Variants in ARHGAP28 observed in about 807,000 individuals in gnomAD.
ARHGAP28 encodes Rho GTPase activating protein 28, also known as rho GTPase-activating protein 28.
Under a neutral mutation model 90.7 loss-of-function variants are expected in ARHGAP28, and 56 were observed. The ratio of observed to expected loss-of-function variants is 0.62; its 90% confidence interval spans 0.50 to 0.77. ARHGAP28 has a LOEUF of 0.77. ARHGAP28 is among the 30% of genes least tolerant of loss of function. The probability of loss-of-function intolerance (pLI) is 0.00; values close to 1 mark genes in which losing one functional copy is unlikely to be tolerated. For missense variants in ARHGAP28, 869 were observed against 900.9 expected (o/e 0.96, Z 0.45); for synonymous variants, 308 against 323.3 (o/e 0.95, Z 0.51).
At chr18:6,820,205 A>G (rs2056617400) in intron 1 of ARHGAP28, among the ~76,000 whole-genome samples, 1 of 152,204 alleles carries the variant, frequency 6.6e-6, no homozygotes, top group Non-Finnish European at 1.5e-5. Context: ...AATATAGATA[A>G]TGTCAACAGA....
chr18:6,771,063 G>T (rs1445174754), intron 1 of ARHGAP28, among the ~76,000 whole-genome samples: 1 of 151,892 alleles, frequency 6.6e-6, no homozygotes, highest in Non-Finnish European at 1.5e-5. Flanking sequence ...TTGAGACAGG[G>T]TTTTGCTCTG....
chr18:6,878,932 A>T (rs560611259), intron 10 of ARHGAP28, among the ~76,000 whole-genome samples: 1 of 152,074 alleles, frequency 6.6e-6, no homozygotes, highest in South Asian at 2.1e-4. Context: ...ACTACTAAAA[A>T]CTCCATTATA....
At position 6,873,524 on chromosome 18, in the gene ARHGAP28, C is replaced by G; in HGVS notation, c.1070C>G (p.Ala357Gly). ...SLIELTAFFDAFGIQLKRNKT... is the reference protein window; with the variant it reads ...SLIELTAFFDGFGIQLKRNKT... ...ATTGAATTGACTGCCTTTTTTGATG[C>G]CTTTGGAATTCAACTGAAAAGGAAC... Residue 357 changes from alanine (A) to glycine (G), a missense_variant, in exon 8 of 18, where the codon GCC (alanine) becomes GGC (glycine). Transcript: ENST00000383472. 2.5e-6 allele frequency: 4 copies of G among 1,613,946 alleles called. No homozygotes were observed. The highest frequency in any genetic ancestry group is 3.4e-6 in the Non-Finnish European group (4 of 1,179,982).
intron 9 of ARHGAP28, chr18:6,874,671 A>C (rs781696763): frequency 1.2e-4 from 18 of 152,208 alleles, no homozygotes; most frequent in Non-Finnish European, 7.3e-5. Context: ...TTTTGCTACC[A>C]GTGCCTCAAA....
In ARHGAP28 at chr18:6,894,854, C is replaced by T; in HGVS notation, c.1868C>T (p.Ser623Leu). 1 of 1,614,076 alleles carries T rather than the reference C, an allele frequency of 6.2e-7. No individual in the cohort carries two copies. Among genetic ancestry groups the T allele is most frequent in the Non-Finnish European group, 8.5e-7 (1 of 1,179,992 alleles). Residue 623 changes from serine (S) to leucine (L), a missense_variant, in exon 15 of 18, where the codon TCA (serine) becomes TTA (leucine). Coordinates refer to ENST00000383472, the MANE Select transcript of ARHGAP28 (RefSeq NM_001366230.1). ...TTTTAGACTGCAAGCCCCAAGACTT[C>T]AAAGGTACTGCAAAAATCACCCTCG... ...LERETASPKT[S>L]KVLQKSPSAR...
chr18:6,839,555 C>T lies in ARHGAP28; in HGVS notation c.543+2141C>T, dbSNP rs879939164. 8.9e-4 allele frequency among the ~76,000 whole-genome samples: 135 copies of T among 152,254 alleles called. 1 individual carries two copies. The highest frequency in any genetic ancestry group is 4.9e-3 in the Admixed American group (75 of 15,298). The stretch of plus-strand genomic sequence containing the variant: ...CTCGTGATCCGCCTGCCTCGGCCTC[C>T]CAAAGTGCTGGGATTACAGGCGTGA... On this transcript the variant is annotated intron_variant, in intron 3 of 17. Coordinates refer to ENST00000383472, the MANE Select transcript of ARHGAP28 (RefSeq NM_001366230.1).
chr18:6,822,606 C>T (rs1242206169), intron 1 of ARHGAP28, among the ~76,000 whole-genome samples: 6 of 151,984 alleles, frequency 3.9e-5, no homozygotes, highest in Admixed American at 3.9e-4. Flanking sequence ...GGTTATCAGA[C>T]AAAACTAGCT....
intron 1 of ARHGAP28, among the ~76,000 whole-genome samples, chr18:6,816,768 A>G (rs2056593658): frequency 6.6e-6 from 1 of 152,082 alleles, no homozygotes; most frequent in African/African-American, 2.4e-5. Flanking sequence ...TTAGGCTAAT[A>G]ATTTGGTAGC....
chr18:6,756,752 G>T (rs182732780), intron 1 of ARHGAP28, among the ~76,000 whole-genome samples: 1 of 152,302 alleles, frequency 6.6e-6, no homozygotes, highest in Non-Finnish European at 1.5e-5. Context: ...TTCAGTCTTT[G>T]GCCAAAGTCT....
intron 1 of ARHGAP28, among the ~76,000 whole-genome samples, chr18:6,767,243 A>AT (rs2056206893): frequency 6.6e-6 from 1 of 151,478 alleles, no homozygotes; most frequent in African/African-American, 2.4e-5. Flanking sequence ...CTTTGCTTTC[A>AT]TTTTTTCTTC....
chr18:6,856,694 G>T (rs574277005), intron 4 of ARHGAP28, among the ~76,000 whole-genome samples: 11 of 152,108 alleles, frequency 7.2e-5, no homozygotes, highest in Middle Eastern at 3.4e-3. Flanking sequence ...TTTAACAAAC[G>T]TTATCACCCA....
intron 1 of ARHGAP28, among the ~76,000 whole-genome samples, chr18:6,741,688 C>T (rs142153856): frequency 6.4e-4 from 97 of 152,270 alleles, no homozygotes; most frequent in African/African-American, 2.0e-3. Context: ...TGCCATTTAG[C>T]GGACTTTTGA....
chr18:6,866,245 A>T (rs1053485903), intron 5 of ARHGAP28, among the ~76,000 whole-genome samples: 4 of 151,690 alleles, frequency 2.6e-5, no homozygotes, highest in African/African-American at 9.7e-5. Flanking sequence ...CTAAGTCTCA[A>T]CTCTTTGACG....
rs140162078 is a variant in ARHGAP28 at position 6,786,220 on chromosome 18, G to A, written c.123-38542G>A. On this transcript the variant is annotated intron_variant, in intron 1 of 17. Transcript: ENST00000383472. The stretch of plus-strand genomic sequence containing the variant: ...ACTGCAACTAGACATTAGTCCTATT[G>A]GGTCATAAGCTTATATATTACACCT... 2.9e-4 allele frequency among the ~76,000 whole-genome samples: 44 copies of A among 151,976 alleles called. No individual in the cohort carries two copies. In the East Asian group the frequency reaches 8.1e-3, roughly 28 times the overall value.
At chr18:6,807,029 C>T (rs1199382880) in intron 1 of ARHGAP28, among the ~76,000 whole-genome samples, 2 of 151,922 alleles carry the variant, frequency 1.3e-5, no homozygotes, top group Admixed American at 6.6e-5. Context: ...ATTGATTTTA[C>T]GATTTTTTCT....
chr18:6,771,117 G>A (rs1370313515), intron 1 of ARHGAP28, among the ~76,000 whole-genome samples: 1 of 151,966 alleles, frequency 6.6e-6, no homozygotes, highest in African/African-American at 2.4e-5. Flanking sequence ...GCTCACTGCA[G>A]CCTTGTTCTC....
At chr18:6,776,927 C>T (rs1331206368) in intron 1 of ARHGAP28, among the ~76,000 whole-genome samples, 1 of 152,062 alleles carries the variant, frequency 6.6e-6, no homozygotes, top group African/African-American at 2.4e-5. Context: ...GGGGGGATAG[C>T]GGTGAGTTTG....
chr18:6,785,549 G>A (rs563464627), intron 1 of ARHGAP28, among the ~76,000 whole-genome samples: 38 of 152,292 alleles, frequency 2.5e-4, no homozygotes, highest in Non-Finnish European at 4.9e-4. Flanking sequence ...GTAAGCACCT[G>A]GGACTTGGAT....
At chr18:6,850,098 C>T (rs182314744) in intron 3 of ARHGAP28, among the ~76,000 whole-genome samples, 5 of 152,220 alleles carry the variant, frequency 3.3e-5, no homozygotes, top group Admixed American at 6.5e-5. Context: ...TAACTTGGCC[C>T]CTGTTGCATT....
Sources: allele counts gnomAD v4.1 joint callset (sites outside exome capture counted in the v4.1 genomes callset), GRCh38; gene constraint gnomAD v4.1.1; transcripts MANE v1.5; gene names NCBI Gene and HGNC (gene_info 2026-07-23, HGNC 2026-07-21).